The following KLHL4 variants were observed in gnomAD, a reference collection of about 807,000 sequenced individuals.
The protein encoded by KLHL4 is kelch-like protein 4.
KLHL4 carries 17 observed loss-of-function variants against 45.8 expected under a neutral mutation model. The observed-to-expected ratio is 0.37, with a 90% confidence interval of 0.25 to 0.56. KLHL4 has a LOEUF of 0.56. KLHL4 is among the 20% of genes least tolerant of loss of function. The pLI, the probability that KLHL4 is intolerant of heterozygous loss-of-function variation, is 0.79. For missense variants in KLHL4, 544 were observed against 544.9 expected, an observed-to-expected ratio of 1.00 and a Z score of 0.02; for synonymous variants, 224 against 189.9, an observed-to-expected ratio of 1.18 and a Z score of -1.47.
chrX:87,546,243 G>T (rs1931680047), intron 1 of KLHL4, among the ~76,000 whole-genome samples: 1 of 111,118 alleles, frequency 9.0e-6, no homozygotes, highest in African/African-American at 3.3e-5. Context: ...TTGTTTCATG[G>T]ACTGGGCACA....
At chrX:87,656,893 C>T (rs1310471989) in intron 9 of KLHL4, among the ~76,000 whole-genome samples, 1 of 111,617 alleles carries the variant, frequency 9.0e-6, no homozygotes, top group Non-Finnish European at 1.9e-5. Context: ...TGAATATAAC[C>T]TATTTTGAAT....
rs1197848253 is a variant in KLHL4, at chrX:87,587,150, C to CAAAAA, written c.423-26713_423-26709dup. Among the ~76,000 whole-genome samples the CAAAAA allele has an allele frequency of 1.9e-3, 92 of 47,798 alleles. 2 individuals are homozygous for CAAAAA. The highest frequency in any genetic ancestry group is 0.015 in the Middle Eastern group (1 of 67). The allele number at this position is 47,798 out of a possible 115,157, so 41.5% of individuals were successfully genotyped here. ...ATAAAAATCTCTCCATAAAATAAAG[C>CAAAAA]AAAAAAAAAAAAAAAAAAGCCCAGG... is the stretch of plus-strand genomic sequence containing the variant. On this transcript the variant is annotated intron_variant, in intron 1 of 10. Transcript: ENST00000373119.
intron 1 of KLHL4, among the ~76,000 whole-genome samples, chrX:87,604,421 T>C (rs1922124998): frequency 9.0e-6 from 1 of 111,265 alleles, no homozygotes; most frequent in Non-Finnish European, 1.9e-5. Flanking sequence ...CACCAAGACT[T>C]TTCTTTTTTT....
At chrX:87,639,486 A>G (rs1448160827) in intron 9 of KLHL4, among the ~76,000 whole-genome samples, 1 of 111,674 alleles carries the variant, frequency 9.0e-6, no homozygotes, top group Non-Finnish European at 1.9e-5. Flanking sequence ...AGTAAATTTA[A>G]GAAAATTGAA....
chrX:87,621,277 T>C (rs1417506614), intron 4 of KLHL4, among the ~76,000 whole-genome samples: 2 of 111,263 alleles, frequency 1.8e-5, no homozygotes, highest in Admixed American at 9.7e-5. Context: ...TTTAGAAATA[T>C]ATTTTATTTC....
At chrX:87,531,353 C>T (rs1218550205) in intron 1 of KLHL4, among the ~76,000 whole-genome samples, 1 of 110,897 alleles carries the variant, frequency 9.0e-6, no homozygotes, top group Non-Finnish European at 1.9e-5. Flanking sequence ...TGCCTATGTC[C>T]TGAGTGGTAA....
intron 5 of KLHL4, among the ~76,000 whole-genome samples, chrX:87,623,648 G>A (rs775376138): frequency 9.9e-5 from 11 of 111,148 alleles, no homozygotes; most frequent in Non-Finnish European, 1.7e-4. Flanking sequence ...AGAACTATAT[G>A]CATGCTCTTA....
intron 1 of KLHL4, among the ~76,000 whole-genome samples, chrX:87,594,076 TTAATTAGTCTTTATATGGG>T: frequency 9.0e-6 from 1 of 111,214 alleles, no homozygotes; most frequent in South Asian, 3.8e-4. Flanking sequence ...AAGGCCATAT[TTAATTAGTCTTTATATGGG>T]ACTGAAAACA....
chrX:87,669,265 C>A lies in KLHL4; in HGVS notation c.*2731C>A. The A allele has an allele frequency of 8.4e-7, 1 of 1,189,350 alleles. No individual in the cohort carries two copies. The highest frequency in any genetic ancestry group is 1.1e-6 in the Non-Finnish European group (1 of 884,297). ...ACCGTGTTCACGATTCCCTACTCTGCAACTCTCAGCATGCATCATGATGAT... is the reference window on the plus strand; with the variant it reads ...ACCGTGTTCACGATTCCCTACTCTGAAACTCTCAGCATGCATCATGATGAT... On this transcript the variant is annotated 3_prime_UTR_variant, in exon 11 of 11. Transcript: ENST00000373119.
chrX:87,541,905 A>T (rs1053094095), intron 1 of KLHL4, among the ~76,000 whole-genome samples: 1 of 111,681 alleles, frequency 9.0e-6, no homozygotes, highest in Non-Finnish European at 1.9e-5. Context: ...TGCTGATAGT[A>T]ATGTGAGCAA....
chrX:87,636,653 C>A (rs753926827), intron 9 of KLHL4, among the ~76,000 whole-genome samples: 1 of 110,680 alleles, frequency 9.0e-6, no homozygotes, highest in African/African-American at 3.3e-5. Context: ...GTGAGACCAG[C>A]CTTTCTGGCT....
At chrX:87,659,113 C>CTT (rs1178733729) in intron 9 of KLHL4, among the ~76,000 whole-genome samples, 439 of 44,810 alleles carry the variant, frequency 9.8e-3, no homozygotes, top group Middle Eastern at 0.033. Context: ...TCTTTTCTTT[C>CTT]TTTTTTTTTT....
At chrX:87,542,308 G>T (rs1234500941) in intron 1 of KLHL4, among the ~76,000 whole-genome samples, 1 of 112,035 alleles carries the variant, frequency 8.9e-6, no homozygotes, top group Non-Finnish European at 1.9e-5. Flanking sequence ...GAATCAAGGA[G>T]CTCAATATTA....
intron 1 of KLHL4, among the ~76,000 whole-genome samples, chrX:87,589,790 G>A (rs766616856): frequency 2.2e-3 from 241 of 110,779 alleles, no homozygotes; most frequent in African/African-American, 7.1e-3. Flanking sequence ...AGCACTTTGG[G>A]AGGCTGAGGC....
chrX:87,564,266 T>C (rs1405491597), intron 1 of KLHL4, among the ~76,000 whole-genome samples: 1 of 111,109 alleles, frequency 9.0e-6, no homozygotes, highest in East Asian at 2.9e-4. Flanking sequence ...TGATAATATG[T>C]AAATAGAAAT....
intron 1 of KLHL4, among the ~76,000 whole-genome samples, chrX:87,579,912 A>T (rs1294609115): frequency 8.9e-6 from 1 of 112,197 alleles, no homozygotes; most frequent in East Asian, 2.8e-4. Context: ...GTAAAGGTAA[A>T]TATGTGAATA....
intron 1 of KLHL4, among the ~76,000 whole-genome samples, chrX:87,550,446 A>C: frequency 9.0e-6 from 1 of 111,609 alleles, no homozygotes; most frequent in East Asian, 2.8e-4. Flanking sequence ...AATCAGTACC[A>C]GTCATTTTGA....
intron 1 of KLHL4, among the ~76,000 whole-genome samples, chrX:87,522,029 C>T (rs752414181): frequency 1.7e-4 from 19 of 112,579 alleles, no homozygotes; most frequent in African/African-American, 5.2e-4. Context: ...TTTAACAAAA[C>T]GATTCAGATA....
intron 9 of KLHL4, among the ~76,000 whole-genome samples, chrX:87,650,917 T>A (rs1040803369): frequency 9.0e-6 from 1 of 111,556 alleles, no homozygotes; most frequent in Non-Finnish European, 1.9e-5. Flanking sequence ...TTTCCTCTTA[T>A]AAAACCATCA....
Sources: allele counts gnomAD v4.1 joint callset (sites outside exome capture counted in the v4.1 genomes callset), GRCh38; gene constraint gnomAD v4.1.1; transcripts MANE v1.5; gene names NCBI Gene and HGNC (gene_info 2026-07-23, HGNC 2026-07-21).